SPATA6: variants seen among roughly 807,000 people sequenced by gnomAD.
SPATA6 encodes spermatogenesis-associated protein 6.
SPATA6 carries 56 observed loss-of-function variants against 65.3 expected under a neutral mutation model. The observed-to-expected ratio is 0.86, with a 90% CI of 0.69 to 1.07. The LOEUF (loss-of-function observed/expected upper bound fraction) is 1.07. Among genes scored for constraint, SPATA6 ranks in the 50% least tolerant of loss-of-function variants. The probability of loss-of-function intolerance (pLI) is 0.00; values close to 1 mark genes in which losing one functional copy is unlikely to be tolerated. For synonymous variants in SPATA6, 199 were observed against 213.2 expected (o/e 0.93, Z 0.58); for missense variants, 590 against 594.8 (o/e 0.99, Z 0.08).
intron 3 of SPATA6, among the ~76,000 whole-genome samples, chr1:48,450,094 C>A (rs1179508600): frequency 6.6e-6 from 1 of 151,242 alleles, no homozygotes; most frequent in African/African-American, 2.4e-5. Context: ...GAGTAAAAGA[C>A]AAAAGAGCCC....
At chr1:48,350,298 C>CTTTTTTTTTTTTTT (rs1379743932) in intron 11 of SPATA6, among the ~76,000 whole-genome samples, 1 of 145,872 alleles carries the variant, frequency 6.9e-6, no homozygotes, top group African/African-American at 2.5e-5. Context: ...TTGTGCTTTT[C>CTTTTTTTTTTTTTT]TTTCTTTTTT....
chr1:48,332,200 A>C (rs532020376), intron 11 of SPATA6, among the ~76,000 whole-genome samples: 13 of 152,172 alleles, frequency 8.5e-5, no homozygotes, highest in Non-Finnish European at 1.8e-4. Flanking sequence ...CCACTTAACA[A>C]CATGATAGCA....
chr1:48,361,051 A>T (rs560913058), intron 9 of SPATA6, among the ~76,000 whole-genome samples: 1 of 152,314 alleles, frequency 6.6e-6, no homozygotes, highest in East Asian at 1.9e-4. Flanking sequence ...TTAATCATTC[A>T]ATATATTACA....
chr1:48,355,958 A>T (rs1197745499), intron 10 of SPATA6, among the ~76,000 whole-genome samples, 189 bp from the exon 11 acceptor site: 1 of 152,166 alleles, frequency 6.6e-6, no homozygotes, highest in Non-Finnish European at 1.5e-5. Context: ...TTAATTAAAG[A>T]TACAGATTTT....
Position 48,472,046 on chromosome 1 carries a change from C to A in SPATA6, c.-38G>T. 6 of 1,204,210 alleles carry A rather than the reference C, an allele frequency of 5.0e-6. No individual in the cohort carries two copies. Among genetic ancestry groups the A allele is most frequent in the Non-Finnish European group, 6.5e-6 (6 of 921,980 alleles). 74.6% of individuals were successfully genotyped at this position (1,204,210 alleles called of 1,614,324 possible). Reference sequence around the variant, plus strand: ...GGGCGGCGGGGAGTGACCCCGGCCACGGGCCCGAGTGAGGCGGGGAGACCT... The same window carrying A: ...GGGCGGCGGGGAGTGACCCCGGCCAAGGGCCCGAGTGAGGCGGGGAGACCT... On this transcript the variant is annotated 5_prime_UTR_variant, in exon 1 of 13. Transcript: ENST00000371847.
At position 48,323,616 on chromosome 1, in the gene SPATA6, G is replaced by GA. The variant is rs34150171; in HGVS notation, c.1195-17739dup. On this transcript the variant is annotated intron_variant, in intron 11 of 12. Coordinates refer to ENST00000371847, the MANE Select transcript of SPATA6 (RefSeq NM_019073.4). ...CAACAAACCTTTAGCCACAACAACA[G>GA]AAAAAAAAAAAAAAGAGGAGACCCA... Among the ~76,000 whole-genome samples, 447 of 105,202 alleles carry GA rather than the reference G, an allele frequency of 4.2e-3. 1 individual carries two copies. Among genetic ancestry groups the GA allele is most frequent in the African/African-American group, 6.9e-3 (204 of 29,436 alleles). The allele number at this position is 105,202 out of a possible 152,430, so 69.0% of individuals were successfully genotyped here.
chr1:48,290,975 C>G (rs1644763223), downstream of SPATA6, among the ~76,000 whole-genome samples: 3 of 152,136 alleles, frequency 2.0e-5, no homozygotes, highest in Non-Finnish European at 4.4e-5. Flanking sequence ...AGGAATTGAA[C>G]TCAGCTCTGC....
At chr1:48,263,135 T>A in the SPATA6 span, 1 of 152,038 alleles carries the variant, frequency 6.6e-6, no homozygotes, top group Non-Finnish European at 1.5e-5. Context: ...TGGATATACT[T>A]TTCTATTTTT....
At chr1:48,311,030 T>C (rs1645194132) in intron 11 of SPATA6, among the ~76,000 whole-genome samples, 1 of 152,014 alleles carries the variant, frequency 6.6e-6, no homozygotes, top group Admixed American at 6.5e-5. Context: ...TCAAGAGAAA[T>C]TTAAAATATA....
chr1:48,381,200 G>A (rs147871884), intron 9 of SPATA6, among the ~76,000 whole-genome samples: 15 of 152,142 alleles, frequency 9.9e-5, no homozygotes, highest in Non-Finnish European at 1.6e-4. Context: ...ACAACTACTC[G>A]TCTGTGGCCT....
chr1:48,345,103 A>C lies in SPATA6; in HGVS notation c.1194+10567T>G, dbSNP rs146720062. ...ATCGCCACCTAGCACATATTCTAAAATTCATCACATAATCAGAAGTAAAAC... is the reference window on the plus strand; with the variant it reads ...ATCGCCACCTAGCACATATTCTAAACTTCATCACATAATCAGAAGTAAAAC... On this transcript the variant is annotated intron_variant, in intron 11 of 12. Coordinates refer to ENST00000371847, the MANE Select transcript of SPATA6 (RefSeq NM_019073.4). Among the ~76,000 whole-genome samples the C allele has an allele frequency of 1.6e-3, 249 of 152,286 alleles. 1 individual carries two copies. The highest frequency in any genetic ancestry group is 5.7e-3 in the African/African-American group (238 of 41,568).
At chr1:48,417,355 A>T (rs1408492280) in intron 3 of SPATA6, among the ~76,000 whole-genome samples, 1 of 152,218 alleles carries the variant, frequency 6.6e-6, no homozygotes, top group Admixed American at 6.5e-5. Context: ...AACAATACTG[A>T]ATGAAAGATG....
intron 3 of SPATA6, among the ~76,000 whole-genome samples, chr1:48,444,328 C>T (rs561330332): frequency 1.0e-3 from 153 of 151,362 alleles, no homozygotes; most frequent in African/African-American, 3.4e-3. Context: ...TCTGTAAAAA[C>T]GCACCAATCA....
At chr1:48,279,714 C>T in the SPATA6 span, among the ~76,000 whole-genome samples, 1 of 152,180 alleles carries the variant, frequency 6.6e-6, no homozygotes, top group African/African-American at 2.4e-5. Flanking sequence ...GAGACTTAGA[C>T]TCCCACACAA....
At chr1:48,371,750 G>C (rs1406474361) in intron 9 of SPATA6, among the ~76,000 whole-genome samples, 1 of 152,162 alleles carries the variant, frequency 6.6e-6, no homozygotes, top group African/African-American at 2.4e-5. Flanking sequence ...ACGAGACTGG[G>C]AAGAAAATGA....
chr1:48,406,928 T>TA (rs1198847922), intron 5 of SPATA6, among the ~76,000 whole-genome samples: 2 of 152,196 alleles, frequency 1.3e-5, no homozygotes, highest in African/African-American at 4.8e-5. Flanking sequence ...GCCTGGGACT[T>TA]ACAGATGATT....
At chr1:48,305,693 C>A (rs755653049) in intron 12 of SPATA6, 94 bp downstream of exon 12, 22 of 881,190 alleles carry the variant, frequency 2.5e-5, no homozygotes, top group Non-Finnish European at 3.3e-5. Flanking sequence ...ACTAATTATC[C>A]TTTTGAGTCT....
chr1:48,445,389 C>A (rs181869201), intron 3 of SPATA6, among the ~76,000 whole-genome samples: 1 of 152,108 alleles, frequency 6.6e-6, no homozygotes, highest in African/African-American at 2.4e-5. Context: ...CATGGCTGGG[C>A]GTGGTGGCTC....
At chr1:48,277,099 C>CTTT in the SPATA6 span, among the ~76,000 whole-genome samples, 472 of 126,420 alleles carry the variant, frequency 3.7e-3, 3 homozygotes, top group African/African-American at 0.013. Flanking sequence ...TTGTTTTTTG[C>CTTT]TTTTTTTTTT....
Sources: allele counts gnomAD v4.1 joint callset (sites outside exome capture counted in the v4.1 genomes callset), GRCh38; gene constraint gnomAD v4.1.1; transcripts MANE v1.5; gene names NCBI Gene and HGNC (gene_info 2026-07-23, HGNC 2026-07-21).